The following C19orf47 variants were observed in gnomAD, a reference collection of about 807,000 sequenced individuals.
C19orf47 encodes the protein uncharacterized protein C19orf47.
C19orf47 carries 18 observed loss-of-function variants against 32.3 expected under a neutral mutation model. The observed-to-expected ratio is 0.56, with a 90% confidence interval of 0.39 to 0.83. The LOEUF is 0.83. Ranked by LOEUF, C19orf47 falls within the 40% of genes least tolerant of loss-of-function variation. C19orf47 has a pLI of 0.00. For synonymous variants in C19orf47, 202 were observed against 211.1 expected (o/e 0.96, Z 0.37); for missense variants, 484 against 531.6 (o/e 0.91, Z 0.88).
chr19:40,322,091 T>C lies in C19orf47; in HGVS notation c.949A>G (p.Lys317Glu), dbSNP rs2077729914. The change falls in exon 9 of 9, where the codon AAG (lysine) becomes GAG (glutamate). Residue 317 changes from lysine (K) to glutamate (E), a missense_variant. Physicochemically the swap from Lys to Glu is moderately conservative, Grantham distance 56 (BLOSUM62 1). Coordinates refer to ENST00000683109, the MANE Select transcript of C19orf47 (RefSeq NM_001256441.2). Reference sequence around the variant, plus strand: ...ACAAGGGCAGCTGCGCCCAGTCTCTTGATGATGCTGACTTTAGACAAGGAC... The same window carrying C: ...ACAAGGGCAGCTGCGCCCAGTCTCTCGATGATGCTGACTTTAGACAAGGAC... ...PESLSKVSII[K>E]RLGAAALVPE... The C allele has an allele frequency of 2.5e-6, 4 of 1,614,054 alleles. No homozygotes were observed. Among genetic ancestry groups the C allele is most frequent in the Non-Finnish European group, 3.4e-6 (4 of 1,180,034 alleles).
intron 1 of C19orf47, among the ~76,000 whole-genome samples, chr19:40,345,140 C>G (rs142360585): frequency 5.3e-5 from 8 of 152,272 alleles, no homozygotes; most frequent in African/African-American, 1.9e-4. Context: ...GTATTCTCCC[C>G]CAAGTGCTAC....
the C19orf47 span, among the ~76,000 whole-genome samples, chr19:40,303,583 G>A: frequency 6.7e-6 from 1 of 150,272 alleles, no homozygotes; most frequent in Non-Finnish European, 1.5e-5. Context: ...GCCGAGGCAG[G>A]TGGATCACAA....
At chr19:40,348,295 A>C in intron 1 of C19orf47, 29 bp downstream of exon 1, 1 of 1,307,058 alleles carries the variant, frequency 7.7e-7, no homozygotes. Context: ...CAACCGGCCC[A>C]GTCCCACCAC....
At chr19:40,331,491 A>G (rs1443261352) in intron 5 of C19orf47, among the ~76,000 whole-genome samples, 1 of 152,220 alleles carries the variant, frequency 6.6e-6, no homozygotes, top group Non-Finnish European at 1.5e-5. Context: ...CCCATGTTTT[A>G]GCAAGACATG....
chr19:40,333,195 T>C (rs1296064997), intron 5 of C19orf47, among the ~76,000 whole-genome samples: 1 of 151,054 alleles, frequency 6.6e-6, no homozygotes, highest in Non-Finnish European at 1.5e-5. Flanking sequence ...GAGGTGGAGG[T>C]TGCAGTGAGC....
intron 7 of C19orf47, chr19:40,324,295 C>T: frequency 1.7e-6 from 1 of 591,426 alleles, no homozygotes; most frequent in Non-Finnish European, 3.0e-6. Context: ...CTACAAGTGG[C>T]AGATTCCCTA....
the C19orf47 span, among the ~76,000 whole-genome samples, chr19:40,293,605 A>G: frequency 1.3e-5 from 2 of 151,770 alleles, no homozygotes; most frequent in Admixed American, 6.6e-5. Context: ...AGCTGGGATT[A>G]CAGGCAAGTG....
At chr19:40,336,250 C>G (rs1316498095) in intron 3 of C19orf47, 26 bp from the exon 4 acceptor site, 2 of 1,613,678 alleles carry the variant, frequency 1.2e-6, no homozygotes, top group Non-Finnish European at 1.7e-6. Flanking sequence ...AGTGGTGAGG[C>G]CCCAGGTGGG....
intron 2 of C19orf47, 49 bp downstream of exon 2, chr19:40,341,790 A>G: frequency 6.5e-7 from 1 of 1,535,710 alleles, no homozygotes; most frequent in Non-Finnish European, 8.7e-7. Context: ...CCATACCTCA[A>G]AAAGGGCAGT....
chr19:40,331,031 G>A (rs2077942232), intron 5 of C19orf47, among the ~76,000 whole-genome samples: 1 of 152,158 alleles, frequency 6.6e-6, no homozygotes, highest in Non-Finnish European at 1.5e-5. Context: ...AATATTATGG[G>A]TGAATGCTTT....
At chr19:40,301,297 C>A in the C19orf47 span, among the ~76,000 whole-genome samples, 4 of 150,988 alleles carry the variant, frequency 2.6e-5, no homozygotes, top group African/African-American at 9.8e-5. Context: ...TCCCTGGCTT[C>A]ATAACCTTGA....
the C19orf47 span, among the ~76,000 whole-genome samples, chr19:40,294,971 A>G: frequency 1.3e-5 from 2 of 152,194 alleles, no homozygotes; most frequent in African/African-American, 4.8e-5. Flanking sequence ...GTCATGAGAC[A>G]CCATTTACAC....
At chr19:40,308,895 C>A in the C19orf47 span, among the ~76,000 whole-genome samples, 5 of 152,078 alleles carry the variant, frequency 3.3e-5, no homozygotes, top group Non-Finnish European at 7.3e-5. Context: ...CATGGCCAGA[C>A]CCTGTCTCTA....
At chr19:40,329,766 C>G (rs1200570838) in intron 5 of C19orf47, among the ~76,000 whole-genome samples, 3 of 152,162 alleles carry the variant, frequency 2.0e-5, no homozygotes, top group Non-Finnish European at 4.4e-5. Flanking sequence ...GGCTTTATGT[C>G]TAATGGCTGC....
At chr19:40,311,440 G>A in the C19orf47 span, among the ~76,000 whole-genome samples, 11 of 151,962 alleles carry the variant, frequency 7.2e-5, no homozygotes, top group African/African-American at 2.4e-4. Flanking sequence ...TACTCAGGAG[G>A]CTGAGGTGGG....
In C19orf47 at chr19:40,341,880, C is replaced by T. The variant is rs1313197903; in HGVS notation, c.-23G>A. 6.5e-7 allele frequency: 1 copy of T among 1,536,226 alleles called. No individual in the cohort carries two copies. The highest frequency in any genetic ancestry group is 8.7e-7 in the Non-Finnish European group (1 of 1,146,916). On this transcript the variant is annotated 5_prime_UTR_variant, in exon 2 of 9. Transcript: ENST00000683109. ...CATCGTCTCCCTGGCCCTGACACTG[C>T]TCCCTGGAGCCTGAAAGAGAAGAGA...
At chr19:40,337,288 AATTATTATTATT>A (rs57061818) in intron 2 of C19orf47, among the ~76,000 whole-genome samples, 5 of 143,216 alleles carry the variant, frequency 3.5e-5, no homozygotes, top group South Asian at 2.3e-4. Context: ...CCATGACAGC[AATTATTATTATT>A]ATTATTATTA....
chr19:40,325,695 G>A (rs2077814731), intron 7 of C19orf47, among the ~76,000 whole-genome samples: 1 of 152,168 alleles, frequency 6.6e-6, no homozygotes, highest in Admixed American at 6.5e-5. Flanking sequence ...GTACCTAGAT[G>A]CTGGTCTGGA....
At chr19:40,333,274 A>AAAATAAAT (rs61342452) in intron 5 of C19orf47, among the ~76,000 whole-genome samples, 42,104 of 142,638 alleles carry the variant, frequency 0.3, 6,752 homozygotes, top group African/African-American at 0.42. Context: ...AATAAATAAG[A>AAAATAAAT]AAATAAATAA....
Sources: allele counts gnomAD v4.1 joint callset (sites outside exome capture counted in the v4.1 genomes callset), GRCh38; gene constraint gnomAD v4.1.1; transcripts MANE v1.5; gene names NCBI Gene and HGNC (gene_info 2026-07-23, HGNC 2026-07-21).